The following MED12 variants were observed in gnomAD, a reference collection of about 807,000 sequenced individuals.
MED12 encodes the protein mediator of RNA polymerase II transcription subunit 12.
MED12 carries 10 observed loss-of-function variants against 177.7 expected under a neutral mutation model. That is an observed-to-expected ratio of 0.06 (90% confidence interval 0.03 to 0.10). MED12 has a LOEUF of 0.10. Among genes scored for constraint, MED12 ranks in the 10% least tolerant of loss-of-function variants. The pLI is 1.00. For missense variants in MED12, 867 were observed against 1,780.8 expected, an observed-to-expected ratio of 0.49 and a Z score of 9.23; for synonymous variants, 641 against 678.4, an observed-to-expected ratio of 0.94 and a Z score of 0.86.
chrX:71,140,084 T>C (rs1264856420), intron 41 of MED12, among the ~76,000 whole-genome samples: 1 of 97,303 alleles, frequency 1.0e-5, no homozygotes, highest in Non-Finnish European at 2.1e-5. Flanking sequence ...TTCTTTCTTT[T>C]TTTTTTTTTT....
chrX:71,142,425 C>T lies in MED12; in HGVS notation c.*207C>T. ...ATATAGAGACCCCAGAGCTGTTGCA[C>T]CCAATACACAGAGCTTCTTTGCAAA... On this transcript the variant is annotated 3_prime_UTR_variant, in exon 45 of 45. Transcript: ENST00000374080. 3 of 433,404 alleles carry T rather than the reference C, an allele frequency of 6.9e-6. No homozygotes were observed. The highest frequency in any genetic ancestry group is 1.2e-5 in the Non-Finnish European group (3 of 249,552). The allele number at this position is 433,404 out of a possible 1,213,427, so 35.7% of individuals were successfully genotyped here.
In MED12 at chrX:71,137,289, T is replaced by A; in HGVS notation, c.5654T>A (p.Val1885Asp). 1 of 1,211,527 alleles carries A rather than the reference T, an allele frequency of 8.3e-7. No individual in the cohort carries two copies. The highest frequency in any genetic ancestry group is 1.1e-6 in the Non-Finnish European group (1 of 895,386). The change falls in exon 39 of 45, where the codon GTC (valine) becomes GAC (aspartate). Residue 1885 changes from valine to aspartate, a missense_variant. Val to Asp is a radical substitution (Grantham distance 152). Transcript: ENST00000374080. ...GTGCTGCCCACAACCATGACTGGCG[T>A]CATGGGTTTAGAACCCTCCTCTTAT... ...PGVLPTTMTGVMGLEPSSYKT... is the reference protein window; with the variant it reads ...PGVLPTTMTGDMGLEPSSYKT...
At chrX:71,132,777 TCTC>T (rs2092321388) in intron 31 of MED12, 65 bp from the exon 32 acceptor site, 1 of 261,880 alleles carries the variant, frequency 3.8e-6, no homozygotes, top group East Asian at 4.8e-5. Flanking sequence ...CCTCTTCTCT[TCTC>T]TTCTCTTCTC....
intron 33 of MED12, 116 bp downstream of exon 33, chrX:71,133,328 C>A: frequency 4.1e-6 from 2 of 490,237 alleles, no homozygotes; most frequent in South Asian, 2.8e-5. Flanking sequence ...TATTCTGAGT[C>A]TTGAAGGGTT....
chrX:71,137,087 A>G (rs951595543), intron 38 of MED12, 58 bp downstream of exon 38: 2 of 1,184,521 alleles, frequency 1.7e-6, no homozygotes, highest in African/African-American at 1.8e-5. Context: ...CCCCTGCCCA[A>G]AGGATGATGC....
At chrX:71,126,630 A>T in intron 19 of MED12, 146 bp downstream of exon 19, 1 of 771,812 alleles carries the variant, frequency 1.3e-6, no homozygotes, top group East Asian at 3.2e-5. Context: ...GGAGTGGAAC[A>T]TGAGCTAAGA....
At chrX:71,123,783 A>G in intron 12 of MED12, 63 bp downstream of exon 12, 1 of 1,096,953 alleles carries the variant, frequency 9.1e-7, no homozygotes, top group Non-Finnish European at 1.2e-6. Context: ...CACTGTCATC[A>G]GAAAGCATAA....
At chrX:71,122,022 G>C (rs1238782267) in intron 7 of MED12, among the ~76,000 whole-genome samples, 178 bp from the exon 8 acceptor site, 1 of 112,410 alleles carries the variant, frequency 8.9e-6, no homozygotes, top group Non-Finnish European at 1.9e-5. Flanking sequence ...GCTAAATAGT[G>C]GGCCCAAAGC....
intron 42 of MED12, 113 bp from the exon 43 acceptor site, chrX:71,141,117 C>T: frequency 8.8e-7 from 1 of 1,139,261 alleles, no homozygotes; most frequent in Non-Finnish European, 1.2e-6. Flanking sequence ...AAAGGGAAGG[C>T]AGTAGACCCC....
At chrX:71,126,313 C>A in intron 18 of MED12, 28 bp from the exon 19 acceptor site, 1 of 1,211,101 alleles carries the variant, frequency 8.3e-7, no homozygotes, top group Non-Finnish European at 1.1e-6. Context: ...TCTCTCCACT[C>A]CCATCTCACT....
In MED12 at chrX:71,122,419, T is replaced by A; in HGVS notation, c.1248+73T>A. The A allele has an allele frequency of 3.4e-6, 4 of 1,188,895 alleles. No homozygotes were observed. In the Middle Eastern group the frequency reaches 9.3e-4, roughly 277 times the overall value. ...AAATTACTCTTTCAGAAGTAGTGAT[T>A]TGGAGTCTAGTACTATTCTTCTAGC... On this transcript the variant is annotated intron_variant, in intron 8 of 44. Transcript: ENST00000374080.
chrX:71,137,069 G>T, intron 38 of MED12, 40 bp downstream of exon 38: 1 of 1,187,000 alleles, frequency 8.4e-7, no homozygotes, highest in Non-Finnish European at 1.1e-6. Context: ...GGACCTACCT[G>T]TACACTCCCC....
At chrX:71,134,277 A>C in intron 33 of MED12, 80 bp from the exon 34 acceptor site, 2 of 541,461 alleles carry the variant, frequency 3.7e-6, no homozygotes, top group East Asian at 7.4e-5. Flanking sequence ...AGGCGTCCCA[A>C]CTCAGATTGG....
At chrX:71,141,409 GC>G in intron 43 of MED12, 39 bp downstream of exon 43, 1 of 1,166,839 alleles carries the variant, frequency 8.6e-7, no homozygotes, top group Non-Finnish European at 1.1e-6. Flanking sequence ...AGGGACAGCT[GC>G]CCAGGTTGGG....
chrX:71,122,912 G>A (rs1016342706), intron 10 of MED12, 38 bp downstream of exon 10: 2 of 1,199,018 alleles, frequency 1.7e-6, no homozygotes, highest in Non-Finnish European at 2.3e-6. Flanking sequence ...AAAAAACATT[G>A]CAAGAGCAAT....
chrX:71,132,832 C>T lies in MED12; in HGVS notation c.4416-13C>T, dbSNP rs781326469. 1.0e-6 allele frequency: 1 copy of T among 996,454 alleles called. No individual in the cohort carries two copies. Among genetic ancestry groups the T allele is most frequent in the East Asian group, 3.6e-5 (1 of 27,948 alleles). The allele number at this position is 996,454 out of a possible 1,213,427, so 82.1% of individuals were successfully genotyped here. A position where few individuals can be genotyped will look rare whatever the true frequency, so the allele number is the denominator to read the frequency against. On this transcript the variant is annotated splice_polypyrimidine_tract_variant and intron_variant, in intron 31 of 44. Transcript: ENST00000374080. ...TCTCTTCTCTTCTCTTCTCTTCTTT[C>T]TCTTGTCTCTAGCATGTCCCTATTG...
chrX:71,138,073 C>T (rs999994600), intron 41 of MED12, 130 bp downstream of exon 41: 9 of 627,257 alleles, frequency 1.4e-5, no homozygotes, highest in Admixed American at 7.9e-5. Flanking sequence ...CTTATCTGGC[C>T]ACATAGCCCA....
Position 71,127,020 on chromosome X carries a change from G to T in MED12, c.2737G>T (p.Asp913Tyr), listed in dbSNP as rs1221964452. Reference protein sequence around the residue: ...VEAELLLKSSDLVGSYTTSLC... With the variant: ...VEAELLLKSSYLVGSYTTSLC... ...GGCTGAGCTGCTTCTCAAATCCTCGGATCTGGTGGGCAGCTACACTACTAG... is the reference window on the plus strand; with the variant it reads ...GGCTGAGCTGCTTCTCAAATCCTCGTATCTGGTGGGCAGCTACACTACTAG... Residue 913 changes from aspartate (D) to tyrosine (Y), a missense_variant, in exon 20 of 45, where the codon GAT becomes TAT. By Grantham distance (160) the Asp-to-Tyr change is radical (BLOSUM62 -3). This residue lies in a region of MED12 where 11 missense variants were observed against 61.2 expected (regional missense o/e 0.18). Coordinates refer to ENST00000374080, the MANE Select transcript of MED12 (RefSeq NM_005120.3). The T allele has an allele frequency of 8.3e-7, 1 of 1,211,415 alleles. No homozygotes were observed. Among genetic ancestry groups the T allele is most frequent in the Non-Finnish European group, 1.1e-6 (1 of 894,863 alleles).
chrX:71,137,981 G>A (rs1259967080), intron 41 of MED12, 38 bp downstream of exon 41: 3 of 1,167,126 alleles, frequency 2.6e-6, no homozygotes, highest in Non-Finnish European at 3.5e-6. Context: ...GAGATGCAGA[G>A]GTATAAGGGA....
Sources: gnomAD v4.1 joint callset for allele counts (sites outside exome capture counted in the v4.1 genomes callset) on GRCh38, gnomAD v4.1.1 for gene constraint, gnomAD v4.1.1 regional missense constraint, MANE v1.5 for transcripts, NCBI Gene and HGNC (gene_info 2026-07-23, HGNC 2026-07-21) for gene names.